Variants in SLC22A3 observed in about 807,000 individuals in gnomAD.
SLC22A3 encodes the protein solute carrier family 22 member 3, also known as EMT organic cation transporter 3.
Under a neutral mutation model 59.1 loss-of-function variants are expected in SLC22A3, and 51 were observed. The observed-to-expected ratio is 0.86, with a 90% CI of 0.69 to 1.09. SLC22A3 has a LOEUF of 1.09. Among genes scored for constraint, SLC22A3 ranks in the 50% least tolerant of loss-of-function variants. The probability of loss-of-function intolerance (pLI) is 0.00; values close to 1 mark genes in which losing one functional copy is unlikely to be tolerated. For missense variants in SLC22A3, 711 were observed against 726.3 expected (o/e 0.98, Z 0.24); for synonymous variants, 325 against 292.0 (o/e 1.11, Z -1.15).
chr6:160,371,705 A>G (rs1187491123), intron 1 of SLC22A3, among the ~76,000 whole-genome samples: 1 of 152,120 alleles, frequency 6.6e-6, no homozygotes, highest in Non-Finnish European at 1.5e-5. Flanking sequence ...CCCAGTAGTG[A>G]GATTGCTGGG....
intron 1 of SLC22A3, among the ~76,000 whole-genome samples, chr6:160,395,546 A>G (rs1786437775): frequency 6.6e-6 from 1 of 152,252 alleles, no homozygotes. Flanking sequence ...ATTTTAGTAC[A>G]TAGAATAACT....
chr6:160,381,215 A>G (rs1785784378), intron 1 of SLC22A3, among the ~76,000 whole-genome samples: 2 of 152,166 alleles, frequency 1.3e-5, no homozygotes, highest in South Asian at 4.1e-4. Flanking sequence ...TTCTTATTCT[A>G]TGGTGGATTA....
intron 5 of SLC22A3, chr6:160,426,120 C>G: frequency 4.1e-6 from 4 of 985,408 alleles, no homozygotes; most frequent in Non-Finnish European, 3.6e-6. Context: ...TGATTGTGAT[C>G]TTTATTTTGA....
chr6:160,378,841 C>T (rs1396589971), intron 1 of SLC22A3, among the ~76,000 whole-genome samples: 3 of 152,262 alleles, frequency 2.0e-5, no homozygotes, highest in East Asian at 1.9e-4. Flanking sequence ...GATATAGTAT[C>T]AGTTGTTTCC....
At chr6:160,416,465 T>TA (rs201190049) in intron 5 of SLC22A3, among the ~76,000 whole-genome samples, 4,502 of 142,180 alleles carry the variant, frequency 0.032, 178 homozygotes, top group African/African-American at 0.097. Flanking sequence ...AAGGCTTACT[T>TA]AAAAAAAAAA....
In SLC22A3 at chr6:160,415,787, G is replaced by GC. The variant is rs1787462966; in HGVS notation, c.975+4941_975+4942insC. ...CAACAAGTCAGCATTTTTCTCTTGT[G>GC]AAAAGAACCACCTGCCAACCCCAGC... On this transcript the variant is annotated intron_variant, in intron 5 of 10. Coordinates refer to ENST00000275300, the MANE Select transcript of SLC22A3 (RefSeq NM_021977.4). This position sits in a 1 kb window ranked among gnomAD's most constrained non-coding sequence, Gnocchi z 4.1. 6.6e-6 allele frequency among the ~76,000 whole-genome samples: 1 copy of GC among 152,212 alleles called. No homozygotes were observed. Among genetic ancestry groups the GC allele is most frequent in the African/African-American group, 2.4e-5 (1 of 41,534 alleles).
At chr6:160,427,843 A>G (rs1156381188) in intron 5 of SLC22A3, among the ~76,000 whole-genome samples, 1 of 152,138 alleles carries the variant, frequency 6.6e-6, no homozygotes, top group Admixed American at 6.5e-5. Flanking sequence ...CATACATGCT[A>G]CCATAGTTTC....
intron 1 of SLC22A3, among the ~76,000 whole-genome samples, chr6:160,362,069 A>G (rs1785030614): frequency 6.6e-6 from 1 of 152,212 alleles, no homozygotes; most frequent in Admixed American, 6.5e-5. Context: ...CAGTTGACCC[A>G]AGCCTTCCCA....
At chr6:160,373,435 GT>G (rs2114778625) in intron 1 of SLC22A3, among the ~76,000 whole-genome samples, 1 of 152,308 alleles carries the variant, frequency 6.6e-6, no homozygotes, top group South Asian at 2.1e-4. Flanking sequence ...TGTATGAGGT[GT>G]TTGTCAACCC....
intron 1 of SLC22A3, among the ~76,000 whole-genome samples, chr6:160,356,257 C>T (rs1424123839): frequency 2.0e-5 from 3 of 152,280 alleles, no homozygotes; most frequent in Admixed American, 1.3e-4. Context: ...GAACAATCAT[C>T]GGCGGCCATG....
chr6:160,417,357 A>C (rs1214182294), intron 5 of SLC22A3, among the ~76,000 whole-genome samples: 1 of 152,182 alleles, frequency 6.6e-6, no homozygotes, highest in Non-Finnish European at 1.5e-5. Flanking sequence ...GCAGCAGCTG[A>C]CCTACAGCTG....
chr6:160,392,394 G>C (rs954687811), intron 1 of SLC22A3, among the ~76,000 whole-genome samples: 11 of 152,072 alleles, frequency 7.2e-5, no homozygotes, highest in Non-Finnish European at 1.3e-4. Flanking sequence ...ACATTTAGTC[G>C]ATTCCATTCT....
At chr6:160,368,658 G>A (rs1484370701) in intron 1 of SLC22A3, among the ~76,000 whole-genome samples, 1 of 152,110 alleles carries the variant, frequency 6.6e-6, no homozygotes, top group South Asian at 2.1e-4. Context: ...CCACACCACA[G>A]AATCTGTGCT....
At chr6:160,429,962 A>C (rs528595168) in intron 5 of SLC22A3, among the ~76,000 whole-genome samples, 1 of 152,254 alleles carries the variant, frequency 6.6e-6, no homozygotes, top group Non-Finnish European at 1.5e-5. Context: ...GTGCTGGGTG[A>C]ATTATCACCT....
At chr6:160,404,866 C>G (rs1340378414) in intron 2 of SLC22A3, among the ~76,000 whole-genome samples, 1 of 107,218 alleles carries the variant, frequency 9.3e-6, no homozygotes, top group Non-Finnish European at 2.0e-5. Flanking sequence ...CAACCACATG[C>G]AAAAAAAAAA....
intron 1 of SLC22A3, among the ~76,000 whole-genome samples, chr6:160,386,155 G>A (rs1212820715): frequency 6.6e-6 from 1 of 152,238 alleles, no homozygotes; most frequent in African/African-American, 2.4e-5. Flanking sequence ...CTGTGCACAT[G>A]AAGGAGCCTC....
chr6:160,388,311 C>T (rs1302018585), intron 1 of SLC22A3, among the ~76,000 whole-genome samples: 1 of 152,100 alleles, frequency 6.6e-6, no homozygotes, highest in Non-Finnish European at 1.5e-5. Flanking sequence ...AAAAAAAATA[C>T]AAACAATACA....
At chr6:160,421,961 A>G (rs1449764708) in intron 5 of SLC22A3, among the ~76,000 whole-genome samples, 3 of 152,224 alleles carry the variant, frequency 2.0e-5, no homozygotes, top group African/African-American at 4.8e-5. Flanking sequence ...GACTGTGGAT[A>G]AATGAGAAAA....
chr6:160,390,534 A>G (rs1044290747), intron 1 of SLC22A3, among the ~76,000 whole-genome samples: 1 of 151,946 alleles, frequency 6.6e-6, no homozygotes, highest in African/African-American at 2.4e-5. Context: ...TTGGGAAGCC[A>G]GTATCTTGCG....
Sources: allele counts gnomAD v4.1 joint callset (sites outside exome capture counted in the v4.1 genomes callset), GRCh38; gene constraint gnomAD v4.1.1; non-coding constraint Gnocchi (gnomAD v3.1); transcripts MANE v1.5; gene names NCBI Gene and HGNC (gene_info 2026-07-23, HGNC 2026-07-21).